Variants in LRP12 observed in about 807,000 individuals in gnomAD.
LRP12 encodes low-density lipoprotein receptor-related protein 12.
In LRP12, 14 loss-of-function variants were observed where a neutral mutation model predicts 66.0. The observed-to-expected ratio is 0.21, with a 90% CI of 0.14 to 0.33. LRP12 has a LOEUF of 0.33. Ranked by LOEUF, LRP12 falls within the 10% of genes least tolerant of loss-of-function variation. The pLI, the probability that LRP12 is intolerant of heterozygous loss-of-function variation, is 1.00. For missense variants in LRP12, 889 were observed against 1,053.4 expected (o/e 0.84, Z 2.16); for synonymous variants, 357 against 359.1 (o/e 0.99, Z 0.07).
chr8:104,497,295 T>C lies in LRP12; in HGVS notation c.1257A>G (p.Pro419=), dbSNP rs1272148039. 4.3e-6 allele frequency: 7 copies of C among 1,614,028 alleles called. No homozygotes were observed. The highest frequency in any genetic ancestry group is 5.9e-6 in the Non-Finnish European group (7 of 1,180,022). The change falls in exon 5 of 7, where the codon CCA becomes CCG. Residue 419 remains proline, a synonymous_variant. Coordinates refer to ENST00000276654, the MANE Select transcript of LRP12 (RefSeq NM_013437.5). The surrounding 1 kb of genome is among the most constrained non-coding windows in gnomAD (Gnocchi z 4.3). ...GATAACAGACACCATTTCGGGAACA[T>C]GGAAATTCTTCCTTCTGGCACATGG... ...NCTMCQKEEF[P]CSRNGVCYPR...
Position 104,577,092 on chromosome 8 carries a change from C to G in LRP12, c.79+11727G>C, listed in dbSNP as rs538251359. Among the ~76,000 whole-genome samples, 8 of 152,218 alleles carry G rather than the reference C, an allele frequency of 5.3e-5. No homozygotes were observed. In the East Asian group the frequency reaches 1.5e-3, roughly 29 times the overall value. On this transcript the variant is annotated intron_variant, in intron 1 of 6. Transcript: ENST00000276654. Reference sequence around the variant, plus strand: ...AGCACCCAGATTCATAAGGCAAGTTCTTAGAGACCTTCAAAGAGACTTAGA... The same window carrying G: ...AGCACCCAGATTCATAAGGCAAGTTGTTAGAGACCTTCAAAGAGACTTAGA...
intron 1 of LRP12, among the ~76,000 whole-genome samples, chr8:104,548,438 CTATAT>C (rs1452796236): frequency 1.6e-4 from 16 of 100,870 alleles, no homozygotes; most frequent in Admixed American, 5.1e-4. Flanking sequence ...ATATATAATT[CTATAT>C]TATATTATAT....
intron 1 of LRP12, among the ~76,000 whole-genome samples, chr8:104,578,879 C>G (rs756393800): frequency 2.6e-5 from 4 of 152,222 alleles, no homozygotes; most frequent in Non-Finnish European, 5.9e-5. Context: ...ACTCCACACC[C>G]CTTCATATTA....
At chr8:104,587,634 C>G (rs775922444) in intron 1 of LRP12, among the ~76,000 whole-genome samples, 1 of 152,208 alleles carries the variant, frequency 6.6e-6, no homozygotes, top group Non-Finnish European at 1.5e-5. Flanking sequence ...TTTAGCGTCA[C>G]TTGCCAGGTT....
intron 2 of LRP12, among the ~76,000 whole-genome samples, chr8:104,511,686 A>G (rs1332443670): frequency 6.6e-6 from 1 of 152,046 alleles, no homozygotes; most frequent in African/African-American, 2.4e-5. Flanking sequence ...AGAATAACCT[A>G]CTCCCTGAAG....
chr8:104,550,973 A>G (rs1223026672), intron 1 of LRP12, among the ~76,000 whole-genome samples: 1 of 152,178 alleles, frequency 6.6e-6, no homozygotes, highest in African/African-American at 2.4e-5. Flanking sequence ...TTCAGCTTAT[A>G]AAACTGTAAC....
At chr8:104,539,681 A>G (rs1194894904) in intron 1 of LRP12, among the ~76,000 whole-genome samples, 1 of 152,066 alleles carries the variant, frequency 6.6e-6, no homozygotes, top group Non-Finnish European at 1.5e-5. Flanking sequence ...ATGCAAAATA[A>G]TATTTCCAAT....
intron 1 of LRP12, among the ~76,000 whole-genome samples, chr8:104,558,677 G>A (rs1241750880): frequency 6.6e-6 from 1 of 151,896 alleles, no homozygotes; most frequent in African/African-American, 2.4e-5. Flanking sequence ...ACAACCCACA[G>A]AGTGGGACAA....
rs1436391249 is a variant in LRP12, at chr8:104,497,501, T to G, written c.1051A>C (p.Arg351=). 1 of 1,614,120 alleles carries G rather than the reference T, an allele frequency of 6.2e-7. No homozygotes were observed. The highest frequency in any genetic ancestry group is 1.1e-5 in the South Asian group (1 of 91,086). Reference sequence around the variant, plus strand: ...ACTTTATCAGCACAAAAATGTACCCTTATCTGTCCAGAAGAAGAAACAACT... The same window carrying G: ...ACTTTATCAGCACAAAAATGTACCCGTATCTGTCCAGAAGAAGAAACAACT... ...LTVVSSSGQI[R]VHFCADKVNA... is the part of the protein sequence containing the mutation. The change falls in exon 5 of 7, where the codon AGG becomes CGG. Residue 351 remains arginine (R), a synonymous_variant. Transcript: ENST00000276654. This position sits in a 1 kb window ranked among gnomAD's most constrained non-coding sequence, Gnocchi z 4.3.
In LRP12 at chr8:104,497,662, A is replaced by T; in HGVS notation, c.890T>A (p.Val297Asp). The T allele has an allele frequency of 6.2e-7, 1 of 1,614,172 alleles. No homozygotes were observed. Among genetic ancestry groups the T allele is most frequent in the Non-Finnish European group, 8.5e-7 (1 of 1,180,044 alleles). The change falls in exon 5 of 7, where the codon GTC (valine) becomes GAC (aspartate). Residue 297 changes from valine to aspartate, a missense_variant. Physicochemically the swap from Val to Asp is radical, Grantham distance 152. Coordinates refer to ENST00000276654, the MANE Select transcript of LRP12 (RefSeq NM_013437.5). The surrounding 1 kb of genome is among the most constrained non-coding windows in gnomAD (Gnocchi z 4.3). ...WLIDTGDHRK[V>D]ILRFTDFKLD... ...TTTAAAGTCAGTGAAGCGTAAAATG[A>T]CTTTACGGTGATCACCAGTGTCTAT...
At chr8:104,587,040 A>G (rs1302669796) in intron 1 of LRP12, among the ~76,000 whole-genome samples, 1 of 152,222 alleles carries the variant, frequency 6.6e-6, no homozygotes, top group Non-Finnish European at 1.5e-5. Flanking sequence ...CACTTTGTGT[A>G]CAAGTACTAA....
At chr8:104,493,543 C>T (rs998561628) in intron 6 of LRP12, among the ~76,000 whole-genome samples, 1 of 152,292 alleles carries the variant, frequency 6.6e-6, no homozygotes, top group Non-Finnish European at 1.5e-5. Context: ...TGTCTGAAAG[C>T]AGTGTCTTTG....
At position 104,588,979 on chromosome 8, in the gene LRP12, C is replaced by T; in HGVS notation, c.-82G>A. 1.4e-6 allele frequency: 1 copy of T among 728,706 alleles called. No individual in the cohort carries two copies. The highest frequency in any genetic ancestry group is 2.1e-6 in the Non-Finnish European group (1 of 472,434). The allele number at this position is 728,706 out of a possible 1,614,324, so 45.1% of individuals were successfully genotyped here. ...GAGGTAGACGACGCCGACGCCGCCG[C>T]CGCCGCCGCCGCCGCCGCCGAGCCA... On this transcript the variant is annotated 5_prime_UTR_variant, in exon 1 of 7. Transcript: ENST00000276654.
chr8:104,531,831 G>A (rs369218813), intron 2 of LRP12, 76 bp downstream of exon 2: 6 of 930,390 alleles, frequency 6.4e-6, no homozygotes, highest in African/African-American at 3.4e-5. Context: ...ATATCACTTC[G>A]TAAGATACCA....
chr8:104,534,642 C>T (rs1278608284), intron 1 of LRP12, among the ~76,000 whole-genome samples: 1 of 151,896 alleles, frequency 6.6e-6, no homozygotes, highest in African/African-American at 2.4e-5. Flanking sequence ...TAATTTCCCA[C>T]ACATTTACTC....
At chr8:104,539,556 T>C (rs926335819) in intron 1 of LRP12, among the ~76,000 whole-genome samples, 3 of 152,040 alleles carry the variant, frequency 2.0e-5, no homozygotes, top group Non-Finnish European at 2.9e-5. Flanking sequence ...GATTTGAGAT[T>C]TGTACAAATG....
intron 1 of LRP12, among the ~76,000 whole-genome samples, chr8:104,575,841 C>T (rs73297103): frequency 0.017 from 2,566 of 152,074 alleles, 70 homozygotes; most frequent in African/African-American, 0.058. Context: ...TACAGGAGTA[C>T]GTTGAAACCC....
At chr8:104,508,083 G>A (rs186243075) in intron 3 of LRP12, 2 of 152,264 alleles carry the variant, frequency 1.3e-5, no homozygotes, top group East Asian at 1.9e-4. Context: ...TGTTGAAGGT[G>A]CCTTTGTGCT....
intron 1 of LRP12, among the ~76,000 whole-genome samples, chr8:104,567,962 T>A (rs1278918552): frequency 6.6e-6 from 1 of 152,102 alleles, no homozygotes; most frequent in African/African-American, 2.4e-5. Flanking sequence ...AAATCCAGAA[T>A]AGCAAAAACA....
Sources: gnomAD v4.1 joint callset for allele counts (sites outside exome capture counted in the v4.1 genomes callset) on GRCh38, gnomAD v4.1.1 for gene constraint, Gnocchi (gnomAD v3.1) non-coding constraint, MANE v1.5 for transcripts, NCBI Gene and HGNC (gene_info 2026-07-23, HGNC 2026-07-21) for gene names.